Variants in MYO18A observed in about 807,000 individuals in gnomAD.
MYO18A encodes unconventional myosin-XVIIIa.
In MYO18A, 78 loss-of-function variants were observed where a neutral mutation model predicts 235.8. The observed-to-expected ratio is 0.33, with a 90% CI of 0.28 to 0.40. The LOEUF (loss-of-function observed/expected upper bound fraction) is 0.40. MYO18A is among the 10% of genes least tolerant of loss of function. MYO18A has a pLI of 1.00. For missense variants in MYO18A, 2,215 were observed against 2,699.3 expected (o/e 0.82, Z 3.98); for synonymous variants, 977 against 1,077.8 (o/e 0.91, Z 1.83).
At chr17:29,145,541 T>C (rs543414536) in intron 2 of MYO18A, among the ~76,000 whole-genome samples, 8 of 152,292 alleles carry the variant, frequency 5.3e-5, no homozygotes, top group African/African-American at 1.9e-4. Context: ...GCACCGTGCC[T>C]GCTTCTTTTT....
chr17:29,133,300 T>A (rs2067517885), intron 2 of MYO18A, among the ~76,000 whole-genome samples: 1 of 152,196 alleles, frequency 6.6e-6, no homozygotes. Flanking sequence ...CTGGGGACTA[T>A]GCACACGCAT....
intron 2 of MYO18A, among the ~76,000 whole-genome samples, chr17:29,135,961 C>T (rs2067587302): frequency 1.3e-5 from 2 of 152,306 alleles, no homozygotes; most frequent in Non-Finnish European, 2.9e-5. Context: ...GGCGTGGTGG[C>T]TCACGCCTGT....
intron 41 of MYO18A, among the ~76,000 whole-genome samples, chr17:29,079,042 G>A (rs2066053197): frequency 6.6e-6 from 1 of 152,178 alleles, no homozygotes; most frequent in Non-Finnish European, 1.5e-5. Flanking sequence ...CTATGCCAGA[G>A]AGGAAGGTAG....
rs1598300728 is a variant in MYO18A at position 29,100,052 on chromosome 17, A to T, written c.3508-290T>A. ...AAGGTAAAGGGAAGATACCTGGGGC[A>T]AGGAAGGAAATGGAGCAGTCATTGG... On this transcript the variant is annotated intron_variant, in intron 21 of 41. Coordinates refer to ENST00000527372, the MANE Select transcript of MYO18A (RefSeq NM_078471.4). 2.6e-5 allele frequency among the ~76,000 whole-genome samples: 4 copies of T among 152,300 alleles called. No individual in the cohort carries two copies. In the South Asian group the frequency reaches 8.3e-4, roughly 32 times the overall value.
intron 36 of MYO18A, 104 bp downstream of exon 36, chr17:29,090,428 C>G: frequency 2.0e-6 from 2 of 999,436 alleles, no homozygotes; most frequent in Non-Finnish European, 3.0e-6. Flanking sequence ...CTGTGGATTA[C>G]TGATGGCAGA....
intron 19 of MYO18A, 74 bp from the exon 20 acceptor site, chr17:29,107,263 G>A: frequency 7.0e-7 from 1 of 1,423,802 alleles, no homozygotes; most frequent in Non-Finnish European, 9.9e-7. Context: ...CACTGTGCCT[G>A]GGCAGTCAGT....
chr17:29,120,507 G>T lies in MYO18A; in HGVS notation c.1728+109C>A. The T allele has an allele frequency of 2.1e-6, 3 of 1,408,160 alleles. No homozygotes were observed. Among genetic ancestry groups the T allele is most frequent in the Non-Finnish European group, 2.9e-6 (3 of 1,046,530 alleles). The allele number at this position is 1,408,160 out of a possible 1,614,324, so 87.2% of individuals were successfully genotyped here. A position where few individuals can be genotyped will look rare whatever the true frequency, so the allele number is the denominator to read the frequency against. ...CCCTGCCCATGCCTGGGTCAATTTTGTTAGGGTAGAATCCCAGGAAAATGA... is the reference window on the plus strand; with the variant it reads ...CCCTGCCCATGCCTGGGTCAATTTTTTTAGGGTAGAATCCCAGGAAAATGA... On this transcript the variant is annotated intron_variant, in intron 7 of 41. Transcript: ENST00000527372. The surrounding 1 kb of genome is among the most constrained non-coding windows in gnomAD (Gnocchi z 4.2).
intron 14 of MYO18A, chr17:29,114,415 C>T (rs1186314586): frequency 2.9e-6 from 1 of 345,016 alleles, no homozygotes; most frequent in African/African-American, 2.1e-5. Flanking sequence ...AGACAACTGC[C>T]ATTTTCCTTC....
chr17:29,161,355 CAA>C (rs1175565325), intron 2 of MYO18A, among the ~76,000 whole-genome samples: 4,141 of 50,140 alleles, frequency 0.083, 54 homozygotes, highest in African/African-American at 0.12. Flanking sequence ...AACTCCATGT[CAA>C]AAAAAAAAAA....
rs1381626675 is a variant in MYO18A at position 29,091,215 on chromosome 17, C to G, written c.5188-289G>C. On this transcript the variant is annotated intron_variant, in intron 34 of 41. Transcript: ENST00000527372. ...TAATGAGAAGGCAGAAAAGGTCTGC[C>G]CAGAACAAATGACCCATCATCCTGG... 4.2e-5 allele frequency: 17 copies of G among 406,672 alleles called. No homozygotes were observed. In the Admixed American group the frequency reaches 6.1e-4, roughly 15 times the overall value. 25.2% of individuals were successfully genotyped at this position (406,672 alleles called of 1,614,324 possible). A position where few individuals can be genotyped will look rare whatever the true frequency, so the allele number is the denominator to read the frequency against.
At chr17:29,096,335 A>G (rs1040910981) in intron 28 of MYO18A, among the ~76,000 whole-genome samples, 2 of 152,176 alleles carry the variant, frequency 1.3e-5, no homozygotes, top group Non-Finnish European at 2.9e-5. Context: ...CCTCCTTTGT[A>G]TCATTACCAT....
Position 29,098,175 on chromosome 17 carries a change from G to C in MYO18A, c.3920C>G (p.Ser1307Cys), listed in dbSNP as rs774695445. The C allele has an allele frequency of 6.2e-7, 1 of 1,613,966 alleles. No individual in the cohort carries two copies. The highest frequency in any genetic ancestry group is 2.2e-5 in the East Asian group (1 of 44,888). ...CTCCGCGTCCAGCAGCTGGGAGGCG[G>C]ACTCTCCTGTGTTACGCTCATCTGT... is the stretch of plus-strand genomic sequence containing the variant. ...ELTDERNTGESASQLLDAETA... is the reference protein window; with the variant it reads ...ELTDERNTGECASQLLDAETA... The change falls in exon 25 of 42, where the codon TCC becomes TGC. Residue 1307 changes from serine (S) to cysteine (C), a missense_variant. Coordinates refer to ENST00000527372, the MANE Select transcript of MYO18A (RefSeq NM_078471.4).
chr17:29,074,035 T>C lies in MYO18A; in HGVS notation c.*735A>G, dbSNP rs1350750478. The C allele has an allele frequency of 1.2e-6, 2 of 1,613,738 alleles. No homozygotes were observed. The highest frequency in any genetic ancestry group is 2.7e-5 in the African/African-American group (2 of 74,814). ...GGGTGGGGGCTGGAGGTGCGGATGG[T>C]CCACACACACACTTGTCTGCGTAGG... On this transcript the variant is annotated 3_prime_UTR_variant, in exon 42 of 42. Transcript: ENST00000527372. The surrounding 1 kb of genome is among the most constrained non-coding windows in gnomAD (Gnocchi z 4.4).
chr17:29,122,285 T>C, intron 2 of MYO18A, 32 bp from the exon 3 acceptor site: 1 of 1,584,360 alleles, frequency 6.3e-7, no homozygotes, highest in Non-Finnish European at 8.6e-7. Context: ...AAACAGGCCC[T>C]GCTATGGAAG....
intron 2 of MYO18A, among the ~76,000 whole-genome samples, chr17:29,159,761 C>T (rs1408395164): frequency 6.6e-6 from 1 of 152,174 alleles, no homozygotes; most frequent in Non-Finnish European, 1.5e-5. Context: ...TGATGAGGCT[C>T]ATACAGTTTC....
intron 2 of MYO18A, among the ~76,000 whole-genome samples, chr17:29,132,760 C>T (rs568314535): frequency 2.2e-4 from 33 of 152,200 alleles, no homozygotes; most frequent in Non-Finnish European, 2.8e-4. Flanking sequence ...ATGCCAAGGA[C>T]GAGGGGAAAT....
intron 1 of MYO18A, among the ~76,000 whole-genome samples, chr17:29,177,391 T>C (rs920781980): frequency 1.3e-5 from 2 of 152,164 alleles, no homozygotes; most frequent in Non-Finnish European, 2.9e-5. Flanking sequence ...CTGTTTAAAA[T>C]GTCAAGGGAA....
At chr17:29,145,460 G>A (rs963755551) in intron 2 of MYO18A, among the ~76,000 whole-genome samples, 1 of 152,182 alleles carries the variant, frequency 6.6e-6, no homozygotes, top group African/African-American at 2.4e-5. Flanking sequence ...AGGCTCTGAG[G>A]GCTGGAGGAA....
Position 29,074,972 on chromosome 17 carries a change from A to G in MYO18A, c.6021-58T>C, listed in dbSNP as rs1036437532. On this transcript the variant is annotated intron_variant, in intron 41 of 41. Transcript: ENST00000527372. The surrounding 1 kb of genome is among the most constrained non-coding windows in gnomAD (Gnocchi z 4.4). ...ATGACACTCCTACCATTAAGCACGC[A>G]CGCCTTTGGTTCTGGAGGCCCACAA... 1.3e-6 allele frequency: 2 copies of G among 1,598,624 alleles called. No individual in the cohort carries two copies. Among genetic ancestry groups the G allele is most frequent in the Non-Finnish European group, 1.7e-6 (2 of 1,168,648 alleles).
Sources: gnomAD v4.1 joint callset for allele counts (sites outside exome capture counted in the v4.1 genomes callset) on GRCh38, gnomAD v4.1.1 for gene constraint, Gnocchi (gnomAD v3.1) non-coding constraint, MANE v1.5 for transcripts, NCBI Gene and HGNC (gene_info 2026-07-23, HGNC 2026-07-21) for gene names.